TRAPPC10: variants seen among roughly 807,000 people sequenced by gnomAD.
TRAPPC10 encodes the protein TRAPP 130 kDa subunit.
TRAPPC10 carries 23 observed loss-of-function variants against 125.5 expected under a neutral mutation model. The observed-to-expected ratio is 0.18, with a 90% CI of 0.13 to 0.26. The LOEUF (loss-of-function observed/expected upper bound fraction) is 0.26, where lower values mean the gene tolerates loss of function less well. TRAPPC10 is among the 10% of genes least tolerant of loss of function. The probability of loss-of-function intolerance (pLI) is 1.00; values close to 1 mark genes in which losing one functional copy is unlikely to be tolerated. For missense variants in TRAPPC10, 1,123 were observed against 1,308.4 expected (o/e 0.86, Z 2.19); for synonymous variants, 509 against 518.0 (o/e 0.98, Z 0.24).
intron 7 of TRAPPC10, among the ~76,000 whole-genome samples, chr21:44,066,953 T>C (rs2036496674): frequency 1.3e-5 from 2 of 152,256 alleles, no homozygotes; most frequent in South Asian, 4.1e-4. Context: ...GTCGCCAAAT[T>C]AGAAGAACGG....
At chr21:44,030,756 T>C (rs1198216182) in intron 1 of TRAPPC10, among the ~76,000 whole-genome samples, 3 of 152,136 alleles carry the variant, frequency 2.0e-5, no homozygotes, top group Non-Finnish European at 4.4e-5. Flanking sequence ...GTGTGAGCCA[T>C]CACGCCTGGC....
intron 15 of TRAPPC10, among the ~76,000 whole-genome samples, chr21:44,085,402 A>G (rs564475724): frequency 6.6e-6 from 1 of 152,310 alleles, no homozygotes; most frequent in Admixed American, 6.5e-5. Context: ...GTACGTTTCA[A>G]ATGCTAAACA....
chr21:44,086,681 G>A, intron 15 of TRAPPC10, 121 bp from the exon 16 acceptor site: 2 of 1,080,588 alleles, frequency 1.9e-6, no homozygotes, highest in East Asian at 2.4e-5. Context: ...AATTCATGGA[G>A]ATCCCAAAGG....
Position 44,058,773 on chromosome 21 carries a change from T to G in TRAPPC10, c.679-330T>G, listed in dbSNP as rs564982981. Among the ~76,000 whole-genome samples, 9 of 152,328 alleles carry G rather than the reference T, an allele frequency of 5.9e-5. No individual in the cohort carries two copies. The East Asian group carries it at 1.5e-3, about 26-fold the overall frequency. ...CGGGGAGCGAGAGGAACCAGCCGTCTGACCAGAGGGAGCCACAGTGAGGGG... is the reference window on the plus strand; with the variant it reads ...CGGGGAGCGAGAGGAACCAGCCGTCGGACCAGAGGGAGCCACAGTGAGGGG... On this transcript the variant is annotated intron_variant, in intron 5 of 22. Coordinates refer to ENST00000291574, the MANE Select transcript of TRAPPC10 (RefSeq NM_003274.5).
intron 2 of TRAPPC10, among the ~76,000 whole-genome samples, chr21:44,037,295 G>A (rs1601611505): frequency 6.6e-6 from 1 of 152,122 alleles, no homozygotes; most frequent in Non-Finnish European, 1.5e-5. Context: ...GGTTTGTCCT[G>A]CTATTTTATT....
chr21:44,047,243 C>T (rs1026215847), intron 3 of TRAPPC10, among the ~76,000 whole-genome samples: 7 of 152,124 alleles, frequency 4.6e-5, no homozygotes, highest in African/African-American at 1.7e-4. Context: ...AGTGCAGTGG[C>T]ACCATCTTGT....
intron 1 of TRAPPC10, among the ~76,000 whole-genome samples, chr21:44,014,732 G>A (rs1250564877): frequency 1.3e-5 from 2 of 151,966 alleles, no homozygotes; most frequent in Non-Finnish European, 2.9e-5. Flanking sequence ...TTGGCCTCAA[G>A]CAACATAGTG....
intron 1 of TRAPPC10, among the ~76,000 whole-genome samples, chr21:44,031,793 C>G (rs909116966): frequency 6.6e-6 from 1 of 152,172 alleles, no homozygotes; most frequent in Non-Finnish European, 1.5e-5. Flanking sequence ...AGCAGGCTCC[C>G]TCTCCTAAGC....
At chr21:44,025,085 C>T (rs540380824) in intron 1 of TRAPPC10, among the ~76,000 whole-genome samples, 28 of 152,316 alleles carry the variant, frequency 1.8e-4, no homozygotes, top group Admixed American at 9.8e-4. Context: ...TTGTGTTTTA[C>T]TGTTTCCAGT....
At chr21:44,013,161 T>C (rs1168027991) in intron 1 of TRAPPC10, among the ~76,000 whole-genome samples, 1 of 151,152 alleles carries the variant, frequency 6.6e-6, no homozygotes, top group East Asian at 1.9e-4. Flanking sequence ...TTGCTCCCCA[T>C]GAACAGCCTC....
intron 15 of TRAPPC10, among the ~76,000 whole-genome samples, chr21:44,085,640 G>A (rs2038075111): frequency 6.6e-6 from 1 of 151,990 alleles, no homozygotes; most frequent in African/African-American, 2.4e-5. Context: ...CCAGGAGTTT[G>A]AGGCCTCAGG....
intron 1 of TRAPPC10, among the ~76,000 whole-genome samples, chr21:44,021,751 G>C (rs1250938209): frequency 6.6e-6 from 1 of 152,130 alleles, no homozygotes; most frequent in East Asian, 1.9e-4. Flanking sequence ...CAGGAGGGTG[G>C]GCCCTTTATT....
chr21:44,021,174 G>A (rs1193134301), intron 1 of TRAPPC10, among the ~76,000 whole-genome samples: 2 of 152,200 alleles, frequency 1.3e-5, no homozygotes, highest in South Asian at 2.1e-4. Flanking sequence ...CCTGTAGTCT[G>A]TTCTGTCCTT....
At chr21:44,065,398 C>T (rs185156006) in intron 7 of TRAPPC10, among the ~76,000 whole-genome samples, 238 of 152,262 alleles carry the variant, frequency 1.6e-3, no homozygotes, top group African/African-American at 5.3e-3. Context: ...GTGTATTTTC[C>T]GAGCCCTTTG....
Position 44,087,769 on chromosome 21 carries a change from G to A in TRAPPC10, c.2610G>A (p.Ala870=), listed in dbSNP as rs747173073. ...TCACGAGCATCAGTCTGCCTGTTGC[G>A]CCTGCGTACCACGTGATCGAATTTG... ...DKVTSISLPV[A]PAYHVIEFEL... Residue 870 remains alanine, a synonymous_variant, in exon 17 of 23, where the codon GCG becomes GCA. Coordinates refer to ENST00000291574, the MANE Select transcript of TRAPPC10 (RefSeq NM_003274.5). This position sits in a 1 kb window ranked among gnomAD's most constrained non-coding sequence, Gnocchi z 4.6. 23 of 1,614,078 alleles carry A rather than the reference G, an allele frequency of 1.4e-5. No individual in the cohort carries two copies. Among genetic ancestry groups the A allele is most frequent in the South Asian group, 4.4e-5 (4 of 91,088 alleles).
At position 44,087,851 on chromosome 21, in the gene TRAPPC10, C is replaced by A. The variant is rs780416055; in HGVS notation, c.2692C>A (p.Leu898Met). Residue 898 changes from leucine (L) to methionine (M), a missense_variant, in exon 17 of 23, where the codon CTG becomes ATG. By Grantham distance (15) the Leu-to-Met change is conservative (BLOSUM62 2). Around this residue, in one of 4 missense-constraint regions of TRAPPC10, gnomAD observed 840 missense variants for 902.0 expected, o/e 0.93. Coordinates refer to ENST00000291574, the MANE Select transcript of TRAPPC10 (RefSeq NM_003274.5). The surrounding 1 kb of genome is among the most constrained non-coding windows in gnomAD (Gnocchi z 4.6). ...APALGGESDM[L>M]GMAEPHRKHK... ...AGCACTCGGAGGGGAGAGTGACATG[C>A]TGGGGATGGCAGAGCCCCACAGGAA... is the stretch of plus-strand genomic sequence containing the variant. 4.3e-6 allele frequency: 7 copies of A among 1,614,228 alleles called. No homozygotes were observed. In the South Asian group the frequency reaches 7.7e-5, roughly 18 times the overall value.
intron 7 of TRAPPC10, among the ~76,000 whole-genome samples, chr21:44,065,929 G>A (rs1053626647): frequency 1.1e-4 from 16 of 152,100 alleles, no homozygotes; most frequent in African/African-American, 3.4e-4. Flanking sequence ...TGGAACTTCC[G>A]GGCTCAAGTG....
At chr21:44,029,733 G>C (rs2033408920) in intron 1 of TRAPPC10, among the ~76,000 whole-genome samples, 1 of 152,176 alleles carries the variant, frequency 6.6e-6, no homozygotes, top group African/African-American at 2.4e-5. Flanking sequence ...GGGCCTTCCT[G>C]CGTTCCTTCT....
Position 44,042,663 on chromosome 21 carries a change from G to A in TRAPPC10, c.285+4736G>A, listed in dbSNP as rs543806998. Among the ~76,000 whole-genome samples the A allele has an allele frequency of 2.6e-5, 4 of 152,180 alleles. No homozygotes were observed. The South Asian group carries it at 8.3e-4, about 32-fold the overall frequency. On this transcript the variant is annotated intron_variant, in intron 3 of 22. Transcript: ENST00000291574. ...CTATCTTACTGCTTGTGTTGTTTAG[G>A]TCATTTATATTTTGAATTTTGTCCA...
Sources: allele counts gnomAD v4.1 joint callset (sites outside exome capture counted in the v4.1 genomes callset), GRCh38; gene constraint gnomAD v4.1.1; regional missense constraint gnomAD v4.1.1; non-coding constraint Gnocchi (gnomAD v3.1); transcripts MANE v1.5; gene names NCBI Gene and HGNC (gene_info 2026-07-23, HGNC 2026-07-21).